The following CDH23 variants were observed in gnomAD, a reference collection of about 807,000 sequenced individuals.
CDH23 encodes the protein cadherin related 23.
CDH23 carries 189 observed loss-of-function variants against 317.1 expected under a neutral mutation model. The observed-to-expected ratio is 0.60, with a 90% CI of 0.53 to 0.67. The LOEUF (loss-of-function observed/expected upper bound fraction) is 0.67, where lower values mean the gene tolerates loss of function less well. Among genes scored for constraint, CDH23 ranks in the 30% least tolerant of loss-of-function variants. The pLI is 0.00. For missense variants in CDH23, 4,401 were observed against 4,592.4 expected, an observed-to-expected ratio of 0.96 and a Z score of 1.20; for synonymous variants, 1,839 against 1,876.8, an observed-to-expected ratio of 0.98 and a Z score of 0.52.
chr10:71,702,110 C>T lies in CDH23; in HGVS notation c.2486C>T (p.Thr829Ile). Residue 829 changes from threonine (T) to isoleucine (I), a missense_variant, in exon 23 of 70, where the codon ACC becomes ATC. By Grantham distance (89) the Thr-to-Ile change is moderately conservative. Transcript: ENST00000224721. ...PPNKFYSLNS[T>I]TGKIRTTHAM... is the part of the protein sequence containing the mutation. ...AACAAGTTCTACAGCCTCAACAGCACCACGGGCAAGATCCGCACCACCCAC... is the reference window on the plus strand; with the variant it reads ...AACAAGTTCTACAGCCTCAACAGCATCACGGGCAAGATCCGCACCACCCAC... The T allele has an allele frequency of 6.2e-7, 1 of 1,614,000 alleles. No homozygotes were observed. Among genetic ancestry groups the T allele is most frequent in the Non-Finnish European group, 8.5e-7 (1 of 1,179,892 alleles).
chr10:71,606,997 G>A (rs376688945), intron 9 of CDH23, among the ~76,000 whole-genome samples: 6 of 152,306 alleles, frequency 3.9e-5, no homozygotes, highest in Non-Finnish European at 1.5e-5. Flanking sequence ...TTGATCGTGG[G>A]GCTGTTGAAT....
chr10:71,753,970 G>C (rs1047149736), intron 38 of CDH23: 3 of 435,932 alleles, frequency 6.9e-6, no homozygotes, highest in South Asian at 4.9e-5. Context: ...TAGAGCTGGG[G>C]AAACTGAGGC....
chr10:71,594,315 C>G (rs1174126368), intron 9 of CDH23, among the ~76,000 whole-genome samples: 1 of 151,298 alleles, frequency 6.6e-6, no homozygotes, highest in Non-Finnish European at 1.5e-5. Flanking sequence ...TCCTTTCTTT[C>G]TTCCTTCCTT....
intron 9 of CDH23, among the ~76,000 whole-genome samples, chr10:71,587,083 A>G (rs956682466): frequency 2.0e-5 from 3 of 152,198 alleles, no homozygotes; most frequent in Non-Finnish European, 4.4e-5. Context: ...ATAACCCCCA[A>G]ATGTGGCTGG....
chr10:71,814,827 GTC>G (rs1331543994), intron 69 of CDH23, 123 bp from the exon 70 acceptor site: 2 of 1,135,222 alleles, frequency 1.8e-6, no homozygotes, highest in African/African-American at 3.1e-5. Flanking sequence ...GAGAAACAGA[GTC>G]TGACAGGCCT....
At chr10:71,493,049 T>C (rs1172233758) in intron 3 of CDH23, among the ~76,000 whole-genome samples, 1 of 152,198 alleles carries the variant, frequency 6.6e-6, no homozygotes, top group East Asian at 1.9e-4. Context: ...TACTCAGCAG[T>C]GCTGAGCCAT....
intron 38 of CDH23, among the ~76,000 whole-genome samples, chr10:71,766,985 C>A (rs2132902104): frequency 6.6e-6 from 1 of 152,364 alleles, no homozygotes; most frequent in East Asian, 1.9e-4. Flanking sequence ...TTCTTTCATT[C>A]CACAAATATT....
At chr10:71,508,518 G>A (rs60875041) in intron 3 of CDH23, among the ~76,000 whole-genome samples, 3 of 152,274 alleles carry the variant, frequency 2.0e-5, no homozygotes, top group South Asian at 2.1e-4. Context: ...GCTTATGCCT[G>A]GCTTATGATT....
At chr10:71,439,761 G>T in intron 1 of CDH23, 66 bp from the exon 2 acceptor site, 1 of 1,191,822 alleles carries the variant, frequency 8.4e-7, no homozygotes, top group South Asian at 1.3e-5. Flanking sequence ...GGTGGGAGGG[G>T]CTGAGGAGCA....
chr10:71,625,300 G>A (rs1306372401), intron 11 of CDH23, among the ~76,000 whole-genome samples: 1 of 149,086 alleles, frequency 6.7e-6, no homozygotes, highest in Non-Finnish European at 1.5e-5. Context: ...CCCGTTTCAG[G>A]CAGGAGATGA....
At chr10:71,403,538 G>T (rs1488652864) in intron 1 of CDH23, among the ~76,000 whole-genome samples, 2 of 101,872 alleles carry the variant, frequency 2.0e-5, no homozygotes, top group Admixed American at 1.2e-4. Context: ...TTTTTTTTTT[G>T]ATGGAGTCTC....
chr10:71,514,626 C>T (rs1336593757), intron 6 of CDH23, among the ~76,000 whole-genome samples: 4 of 152,144 alleles, frequency 2.6e-5, no homozygotes, highest in Non-Finnish European at 4.4e-5. Context: ...TGTTTGTTCT[C>T]GTTCCCCTCC....
chr10:71,605,498 C>T (rs1010566388), intron 9 of CDH23, among the ~76,000 whole-genome samples: 3 of 152,176 alleles, frequency 2.0e-5, no homozygotes, highest in African/African-American at 7.2e-5. Flanking sequence ...AATTATCCAG[C>T]CCCAAATGCC....
intron 28 of CDH23, chr10:71,713,139 G>T (rs376885908): frequency 1.3e-6 from 1 of 778,608 alleles, no homozygotes; most frequent in Admixed American, 1.7e-5. Flanking sequence ...ACAATTTCCC[G>T]GAAAGGAGTT....
chr10:71,599,456 C>G (rs568020170), intron 9 of CDH23, among the ~76,000 whole-genome samples: 5 of 152,038 alleles, frequency 3.3e-5, no homozygotes, highest in African/African-American at 1.2e-4. Flanking sequence ...TTTTGAAAGT[C>G]CTTATGAGAG....
At chr10:71,480,754 G>A (rs1261729943) in intron 3 of CDH23, among the ~76,000 whole-genome samples, 1 of 152,132 alleles carries the variant, frequency 6.6e-6, no homozygotes, top group Non-Finnish European at 1.5e-5. Context: ...ATGAGTGTAG[G>A]GAGACTGGAT....
chr10:71,682,402 A>G (rs1277861224), intron 17 of CDH23, 43 bp from the exon 18 acceptor site: 2 of 1,604,254 alleles, frequency 1.2e-6, no homozygotes, highest in Admixed American at 3.4e-5. Context: ...CGGGCATCTC[A>G]AGTCTGCTTA....
intron 69 of CDH23, among the ~76,000 whole-genome samples, chr10:71,814,658 ACAC>A (rs768382908): frequency 5.4e-5 from 8 of 149,076 alleles, no homozygotes; most frequent in South Asian, 2.1e-4. Context: ...ACACACACAC[ACAC>A]AATTTTCACA....
chr10:71,652,846 G>A (rs1028698007), intron 14 of CDH23, among the ~76,000 whole-genome samples: 4 of 152,164 alleles, frequency 2.6e-5, no homozygotes, highest in Non-Finnish European at 5.9e-5. Context: ...TGAACCTCTG[G>A]GTCCCAGTGA....
Sources: allele counts gnomAD v4.1 joint callset (sites outside exome capture counted in the v4.1 genomes callset), GRCh38; gene constraint gnomAD v4.1.1; transcripts MANE v1.5; gene names NCBI Gene and HGNC (gene_info 2026-07-23, HGNC 2026-07-21).